The following DOCK8 variants were observed in gnomAD, a reference collection of about 807,000 sequenced individuals.
The protein encoded by DOCK8 is dedicator of cytokinesis protein 8.
In DOCK8, 141 loss-of-function variants were observed where a neutral mutation model predicts 245.6. The ratio of observed to expected loss-of-function variants is 0.57; its 90% CI spans 0.50 to 0.66. DOCK8 has a LOEUF of 0.66. Ranked by LOEUF, DOCK8 falls within the 30% of genes least tolerant of loss-of-function variation. DOCK8 has a pLI of 0.00. For missense variants in DOCK8, 2,965 were observed against 2,603.4 expected (o/e 1.14, Z -3.02); for synonymous variants, 1,168 against 970.2 (o/e 1.20, Z -3.79).
At chr9:352,168 C>G (rs1454817024) in intron 14 of DOCK8, among the ~76,000 whole-genome samples, 1 of 152,206 alleles carries the variant, frequency 6.6e-6, no homozygotes. Context: ...CTAGAGATAG[C>G]TGCCTGCAAA....
At chr9:358,184 A>G (rs958292040) in intron 14 of DOCK8, among the ~76,000 whole-genome samples, 9 of 152,124 alleles carry the variant, frequency 5.9e-5, no homozygotes, top group Non-Finnish European at 1.2e-4. Flanking sequence ...TCCTGGACTC[A>G]AGTGATCTTC....
At chr9:243,022 C>T (rs1563834588) in intron 1 of DOCK8, among the ~76,000 whole-genome samples, 1 of 152,136 alleles carries the variant, frequency 6.6e-6, no homozygotes, top group East Asian at 1.9e-4. Context: ...CAGGCCAACA[C>T]TGACTTGATT....
chr9:386,395 C>T lies in DOCK8; in HGVS notation c.2843C>T (p.Ser948Leu). Residue 948 changes from serine to leucine, a missense_variant, in exon 23 of 48, where the codon TCA becomes TTA. Ser to Leu is a moderately radical substitution (Grantham distance 145). Coordinates refer to ENST00000432829, the MANE Select transcript of DOCK8 (RefSeq NM_203447.4). ...YCSGSSDAPS[S>L]PAAPRPASKK... ...TCTGGCAGTAGTGATGCTCCAAGTT[C>T]ACCTGCAGCCCCAAGGCCAGCCAGC... is the stretch of plus-strand genomic sequence containing the variant. The T allele has an allele frequency of 6.2e-7, 1 of 1,613,828 alleles. No individual in the cohort carries two copies. The highest frequency in any genetic ancestry group is 8.5e-7 in the Non-Finnish European group (1 of 1,179,860).
At chr9:307,121 C>T (rs530979762) in intron 5 of DOCK8, among the ~76,000 whole-genome samples, 11 of 152,158 alleles carry the variant, frequency 7.2e-5, no homozygotes, top group East Asian at 1.9e-4. Flanking sequence ...TTGAACCATC[C>T]GGTAACCCTG....
chr9:427,315 G>C (rs1193879320), intron 34 of DOCK8, among the ~76,000 whole-genome samples: 1 of 152,178 alleles, frequency 6.6e-6, no homozygotes, highest in African/African-American at 2.4e-5. Flanking sequence ...GTAGTGGTAA[G>C]TAGAATTTTT....
At chr9:330,215 G>T (rs528766062) in intron 9 of DOCK8, among the ~76,000 whole-genome samples, 36 of 152,140 alleles carry the variant, frequency 2.4e-4, no homozygotes, top group African/African-American at 7.7e-4. Context: ...TTTTTAAAAA[G>T]AATTTGTTTT....
rs539013477 is a variant in DOCK8 at position 307,563 on chromosome 9, G to A, written c.528+2859G>A. On this transcript the variant is annotated intron_variant, in intron 5 of 47. Coordinates refer to ENST00000432829, the MANE Select transcript of DOCK8 (RefSeq NM_203447.4). ...AGTAGAGACAGGGTTTCTCCATGTT[G>A]GTCAGGCTGATCTCGAACTCCTGAC... Among the ~76,000 whole-genome samples the A allele has an allele frequency of 1.2e-4, 18 of 151,910 alleles. 1 individual carries two copies. The South Asian group carries it at 3.5e-3, about 30-fold the overall frequency.
intron 29 of DOCK8, 26 bp from the exon 30 acceptor site, chr9:418,042 C>T: frequency 1.2e-6 from 2 of 1,614,058 alleles, no homozygotes; most frequent in Non-Finnish European, 1.7e-6. Flanking sequence ...TTTGACTTGA[C>T]ATCACAAACG....
intron 3 of DOCK8, among the ~76,000 whole-genome samples, chr9:288,884 T>C (rs1207033493): frequency 6.6e-6 from 1 of 152,248 alleles, no homozygotes; most frequent in Non-Finnish European, 1.5e-5. Flanking sequence ...TTAAGCCTGT[T>C]TATTTCTGGT....
At chr9:394,651 A>T (rs1440120237) in intron 24 of DOCK8, among the ~76,000 whole-genome samples, 1 of 152,248 alleles carries the variant, frequency 6.6e-6, no homozygotes, top group African/African-American at 2.4e-5. Flanking sequence ...ACCTTGGAGA[A>T]ATAGAGATAA....
At chr9:221,069 A>T (rs1421974740) in intron 1 of DOCK8, among the ~76,000 whole-genome samples, 1 of 152,162 alleles carries the variant, frequency 6.6e-6, no homozygotes, top group African/African-American at 2.4e-5. Flanking sequence ...TGCTGTATCG[A>T]CAACAGTGGG....
At chr9:400,121 G>C (rs866115684) in intron 26 of DOCK8, among the ~76,000 whole-genome samples, 197 of 13,152 alleles carry the variant, frequency 0.015, 1 homozygote, top group East Asian at 0.036. Context: ...ACCACCACCA[G>C]CATCTTCACC....
chr9:439,471 G>C, intron 40 of DOCK8, 83 bp downstream of exon 40: 3 of 1,560,204 alleles, frequency 1.9e-6, no homozygotes, highest in Non-Finnish European at 2.6e-6. Flanking sequence ...GGTCTTAATG[G>C]CCCAGTCAGC....
At chr9:246,323 A>G (rs976176977) in intron 1 of DOCK8, among the ~76,000 whole-genome samples, 7 of 152,166 alleles carry the variant, frequency 4.6e-5, no homozygotes, top group Admixed American at 4.6e-4. Context: ...GTTTGAGACC[A>G]GCCTGGGCAA....
chr9:318,694 C>A (rs2050455127), intron 7 of DOCK8, among the ~76,000 whole-genome samples: 1 of 152,228 alleles, frequency 6.6e-6, no homozygotes, highest in African/African-American at 2.4e-5. Flanking sequence ...CAAGCTCTTG[C>A]CCTTGCAAAC....
At chr9:294,503 A>G (rs1367855462) in intron 4 of DOCK8, among the ~76,000 whole-genome samples, 4 of 152,326 alleles carry the variant, frequency 2.6e-5, no homozygotes, top group East Asian at 1.9e-4. Context: ...TCTGGAAGCT[A>G]TTACACCTAC....
Position 443,501 on chromosome 9 carries a change from G to A in DOCK8, c.5565G>A (p.Lys1855=). The change falls in exon 43 of 48, where the codon AAG becomes AAA. Residue 1855 remains lysine, a synonymous_variant. Coordinates refer to ENST00000432829, the MANE Select transcript of DOCK8 (RefSeq NM_203447.4). ...IKDSTPVDKT[K]LDPNKAYIQI... ...ACTCCACTCCTGTGGACAAAACCAA[G>A]TTGGATCCTAACAAGGTATACAAAA... 1 of 1,613,988 alleles carries A rather than the reference G, an allele frequency of 6.2e-7. No individual in the cohort carries two copies. Among genetic ancestry groups the A allele is most frequent in the East Asian group, 2.2e-5 (1 of 44,850 alleles).
At chr9:215,944 C>A (rs1480817068) in intron 1 of DOCK8, among the ~76,000 whole-genome samples, 1 of 152,150 alleles carries the variant, frequency 6.6e-6, no homozygotes, top group East Asian at 1.9e-4. Context: ...CAGGGCTGTC[C>A]GATTTGTTAA....
intron 27 of DOCK8, 48 bp downstream of exon 27, chr9:405,121 T>G (rs757322491): frequency 8.3e-5 from 129 of 1,548,398 alleles, no homozygotes; most frequent in Non-Finnish European, 1.0e-4. Context: ...GCTATTTCAT[T>G]TAACTAGCTC....
Sources: allele counts gnomAD v4.1 joint callset (sites outside exome capture counted in the v4.1 genomes callset), GRCh38; gene constraint gnomAD v4.1.1; transcripts MANE v1.5; gene names NCBI Gene and HGNC (gene_info 2026-07-23, HGNC 2026-07-21).